GRK5: variants seen among roughly 807,000 people sequenced by gnomAD.
GRK5 encodes g protein-coupled receptor kinase GRK5.
Under a neutral mutation model 78.4 loss-of-function variants are expected in GRK5, and 40 were observed. That is an observed-to-expected ratio of 0.51 (90% confidence interval 0.40 to 0.66). The LOEUF is 0.66. Ranked by LOEUF, GRK5 falls within the 30% of genes least tolerant of loss-of-function variation. GRK5 has a pLI of 0.00. For synonymous variants in GRK5, 289 were observed against 296.8 expected (o/e 0.97, Z 0.27); for missense variants, 598 against 759.9 (o/e 0.79, Z 2.50).
In GRK5 at chr10:119,453,144, G is replaced by T; in HGVS notation, c.1543-1G>T. ...GTGTTTTGTTTTCACGGCCCCTCCA[G>T]ATGATAGAAACAGAATGCTTTAAGG... On this transcript the variant is annotated splice_acceptor_variant, in intron 14 of 15. Coordinates refer to ENST00000392870, the MANE Select transcript of GRK5 (RefSeq NM_005308.3). LOFTEE classifies it high-confidence loss of function. 6.5e-7 allele frequency: 1 copy of T among 1,532,304 alleles called. No homozygotes were observed. Among genetic ancestry groups the T allele is most frequent in the Non-Finnish European group, 9.0e-7 (1 of 1,105,294 alleles). 94.9% of individuals were successfully genotyped at this position (1,532,304 alleles called of 1,614,324 possible). A position where few individuals can be genotyped will look rare whatever the true frequency, so the allele number is the denominator to read the frequency against.
chr10:119,355,402 G>C (rs1041389691), intron 2 of GRK5, among the ~76,000 whole-genome samples: 11 of 152,074 alleles, frequency 7.2e-5, no homozygotes, highest in Non-Finnish European at 1.5e-4. Context: ...ATTTCCTTTG[G>C]GTATATATCC....
intron 1 of GRK5, among the ~76,000 whole-genome samples, chr10:119,265,786 G>A (rs1486619770): frequency 2.6e-5 from 4 of 152,228 alleles, no homozygotes; most frequent in African/African-American, 9.6e-5. Context: ...GAGCCTCCAG[G>A]GAAACCCTGG....
intron 4 of GRK5, among the ~76,000 whole-genome samples, chr10:119,416,591 T>C (rs1168823902): frequency 2.1e-3 from 2 of 960 alleles, no homozygotes; most frequent in East Asian, 0.05. Context: ...CTCTCTCTCT[T>C]TTTTTTTTTT....
At chr10:119,440,380 T>C (rs1171024417) in intron 10 of GRK5, among the ~76,000 whole-genome samples, 3 of 151,930 alleles carry the variant, frequency 2.0e-5, no homozygotes, top group Non-Finnish European at 4.4e-5. Context: ...ATAGTTCCTA[T>C]ACCTTCTTTT....
intron 1 of GRK5, among the ~76,000 whole-genome samples, chr10:119,266,362 C>T (rs369838714): frequency 7.4e-4 from 113 of 152,066 alleles, no homozygotes; most frequent in Middle Eastern, 3.4e-3. Flanking sequence ...GAGGCTGAGA[C>T]GGGAGAACGC....
At chr10:119,223,126 G>A (rs900967383) in intron 1 of GRK5, among the ~76,000 whole-genome samples, 5 of 152,180 alleles carry the variant, frequency 3.3e-5, no homozygotes, top group Admixed American at 1.3e-4. Flanking sequence ...GAAGGTACCC[G>A]GGGAAGACCC....
At chr10:119,262,340 T>G (rs1263174344) in intron 1 of GRK5, among the ~76,000 whole-genome samples, 5 of 130,088 alleles carry the variant, frequency 3.8e-5, no homozygotes, top group Non-Finnish European at 4.8e-5. Context: ...TTTTTTTTTT[T>G]TTTTTTTTTT....
intron 9 of GRK5, 51 bp from the exon 10 acceptor site, chr10:119,439,680 C>G (rs1852992498): frequency 7.5e-6 from 12 of 1,598,378 alleles, no homozygotes; most frequent in Non-Finnish European, 1.0e-5. Flanking sequence ...GCCAGTGTAT[C>G]CTACCTGCCC....
intron 1 of GRK5, among the ~76,000 whole-genome samples, chr10:119,223,339 C>T (rs147048813): frequency 1.6e-3 from 242 of 152,226 alleles, no homozygotes; most frequent in African/African-American, 5.1e-3. Flanking sequence ...TCTGAGGTAC[C>T]GGGGGTTAGG....
At chr10:119,353,936 T>TC (rs1440191260) in intron 2 of GRK5, among the ~76,000 whole-genome samples, 2 of 144,048 alleles carry the variant, frequency 1.4e-5, no homozygotes, top group Non-Finnish European at 3.1e-5. Context: ...TTCTTTCTTT[T>TC]TTTTTTTTTT....
In GRK5 at chr10:119,207,698, A is replaced by G; in HGVS notation, c.-220A>G. The stretch of plus-strand genomic sequence containing the variant: ...GAGGGGGGAGGGGGGACACAGAGGG[A>G]GGAAGAAGCGGCGGCGGCGGCGGCG... On this transcript the variant is annotated 5_prime_UTR_variant, in exon 1 of 16. Transcript: ENST00000392870. The G allele has an allele frequency of 2.5e-6, 1 of 398,508 alleles. No homozygotes were observed. 24.7% of individuals were successfully genotyped at this position (398,508 alleles called of 1,614,324 possible).
rs543520615 is a variant in GRK5 at position 119,442,361 on chromosome 10, G to A, written c.1057+273G>A. Among the ~76,000 whole-genome samples the A allele has an allele frequency of 5.3e-5, 8 of 152,318 alleles. No homozygotes were observed. The East Asian group carries it at 1.2e-3, about 22-fold the overall frequency. ...CAAAGCCAAGCCACTCTTAGGGGTC[G>A]GGGCCTGGCATACAGCGCTGCTAGG... is the stretch of plus-strand genomic sequence containing the variant. On this transcript the variant is annotated intron_variant, in intron 11 of 15. Coordinates refer to ENST00000392870, the MANE Select transcript of GRK5 (RefSeq NM_005308.3).
At chr10:119,234,946 A>G (rs1035741504) in intron 1 of GRK5, among the ~76,000 whole-genome samples, 1 of 151,552 alleles carries the variant, frequency 6.6e-6, no homozygotes, top group African/African-American at 2.4e-5. Context: ...AAGTGCTGAG[A>G]TTACAGACAT....
At position 119,452,745 on chromosome 10, in the gene GRK5, C is replaced by T. The variant is rs745418655; in HGVS notation, c.1479C>T (p.His493=). The T allele has an allele frequency of 1.9e-6, 3 of 1,613,690 alleles. No homozygotes were observed. The highest frequency in any genetic ancestry group is 2.2e-5 in the South Asian group (2 of 91,068). Residue 493 remains histidine, a synonymous_variant, in exon 14 of 16, where the codon CAC becomes CAT. Coordinates refer to ENST00000392870, the MANE Select transcript of GRK5 (RefSeq NM_005308.3). The surrounding 1 kb of genome is among the most constrained non-coding windows in gnomAD (Gnocchi z 4.4). ...FSTVKGVNLD[H]TDDDFYSKFS... The stretch of plus-strand genomic sequence containing the variant: ...CTGTGAAGGGCGTCAATCTGGACCA[C>T]ACAGACGACGACTTCTACTCCAAGT...
chr10:119,288,280 TGGACAGGGCATAGGG>T (rs1204273364), intron 1 of GRK5, among the ~76,000 whole-genome samples: 1 of 152,140 alleles, frequency 6.6e-6, no homozygotes, highest in Admixed American at 6.5e-5. Context: ...AGAAGGTCTG[TGGACAGGGCATAGGG>T]GTGCAGGGGG....
intron 1 of GRK5, among the ~76,000 whole-genome samples, chr10:119,251,209 T>A (rs1227997082): frequency 1.3e-5 from 2 of 152,352 alleles, no homozygotes; most frequent in Middle Eastern, 3.4e-3. Flanking sequence ...AGACAGTAGT[T>A]CTTTACAAGG....
At chr10:119,241,353 G>T (rs529304767) in intron 1 of GRK5, among the ~76,000 whole-genome samples, 1 of 152,222 alleles carries the variant, frequency 6.6e-6, no homozygotes, top group Admixed American at 6.5e-5. Context: ...AGGGATGCAT[G>T]CCAGATGGCC....
At chr10:119,273,408 C>G (rs544232251) in intron 1 of GRK5, among the ~76,000 whole-genome samples, 1 of 152,290 alleles carries the variant, frequency 6.6e-6, no homozygotes, top group East Asian at 1.9e-4. Context: ...AGGGTGAGCT[C>G]AGGAGCTGCA....
At position 119,428,329 on chromosome 10, in the gene GRK5, C is replaced by T. The variant is rs573626466; in HGVS notation, c.534-2046C>T. Among the ~76,000 whole-genome samples, 24 of 152,348 alleles carry T rather than the reference C, an allele frequency of 1.6e-4. No homozygotes were observed. The South Asian group carries it at 4.8e-3, about 30-fold the overall frequency. ...AATGGGGACAATAATGATCCCTGCT[C>T]CCTGAGCTTGTGTGAGGATTATAGA... On this transcript the variant is annotated intron_variant, in intron 6 of 15. Transcript: ENST00000392870.
Sources: allele counts gnomAD v4.1 joint callset (sites outside exome capture counted in the v4.1 genomes callset), GRCh38; gene constraint gnomAD v4.1.1; non-coding constraint Gnocchi (gnomAD v3.1); transcripts MANE v1.5; gene names NCBI Gene and HGNC (gene_info 2026-07-23, HGNC 2026-07-21).